The following ASTN2 variants were observed in gnomAD, a reference collection of about 807,000 sequenced individuals.
ASTN2 encodes astrotactin 2.
In ASTN2, 54 loss-of-function variants were observed where a neutral mutation model predicts 139.8. That is an observed-to-expected ratio of 0.39 (90% confidence interval 0.31 to 0.48). The LOEUF (loss-of-function observed/expected upper bound fraction) is 0.48. Ranked by LOEUF, ASTN2 falls within the 20% of genes least tolerant of loss-of-function variation. The pLI, the probability that ASTN2 is intolerant of heterozygous loss-of-function variation, is 0.95. For synonymous variants in ASTN2, 756 were observed against 719.5 expected, an observed-to-expected ratio of 1.05 and a Z score of -0.81; for missense variants, 1,565 against 1,725.1, an observed-to-expected ratio of 0.91 and a Z score of 1.64.
chr9:117,304,934 A>G (rs2130805313), intron 1 of ASTN2, among the ~76,000 whole-genome samples: 1 of 152,338 alleles, frequency 6.6e-6, no homozygotes, highest in African/African-American at 2.4e-5. Context: ...CATCAGAGAA[A>G]GATGAAAAAA....
chr9:116,838,486 C>T (rs890283606), intron 11 of ASTN2, among the ~76,000 whole-genome samples: 3 of 152,036 alleles, frequency 2.0e-5, no homozygotes, highest in South Asian at 4.1e-4. Context: ...TGCAATGGCA[C>T]GATCTCGACT....
At chr9:116,873,995 T>C (rs1833232488) in intron 10 of ASTN2, among the ~76,000 whole-genome samples, 1 of 152,200 alleles carries the variant, frequency 6.6e-6, no homozygotes, top group African/African-American at 2.4e-5. Context: ...TCTCAGGTAG[T>C]TCTTTATAGC....
intron 16 of ASTN2, among the ~76,000 whole-genome samples, chr9:116,670,349 A>G (rs190069352): frequency 6.6e-6 from 1 of 152,168 alleles, no homozygotes; most frequent in Non-Finnish European, 1.5e-5. Context: ...AAGTGTCCAC[A>G]AGGGCAGGAG....
intron 4 of ASTN2, among the ~76,000 whole-genome samples, chr9:117,121,521 G>C (rs1477270052): frequency 6.6e-6 from 1 of 152,176 alleles, no homozygotes; most frequent in African/African-American, 2.4e-5. Context: ...ATATTTCCCT[G>C]ACCCATTTTC....
chr9:116,861,997 A>G (rs1219214402), intron 11 of ASTN2, among the ~76,000 whole-genome samples: 2 of 124,856 alleles, frequency 1.6e-5, no homozygotes, highest in Non-Finnish European at 3.3e-5. Context: ...TTTTGCCTAT[A>G]CTAGTTTGAG....
chr9:117,052,234 A>T (rs1306482969), intron 5 of ASTN2, among the ~76,000 whole-genome samples: 4 of 152,080 alleles, frequency 2.6e-5, no homozygotes, highest in Non-Finnish European at 1.5e-5. Flanking sequence ...AGGTCAGGAG[A>T]TTGAGACCGT....
intron 2 of ASTN2, among the ~76,000 whole-genome samples, chr9:117,238,792 TAGTA>T (rs1192566418): frequency 6.6e-6 from 1 of 152,186 alleles, no homozygotes; most frequent in East Asian, 1.9e-4. Context: ...TTAAGTTGGC[TAGTA>T]AGTGTGTGTG....
intron 10 of ASTN2, among the ~76,000 whole-genome samples, chr9:116,864,766 G>A (rs898358277): frequency 6.6e-6 from 1 of 152,014 alleles, no homozygotes; most frequent in African/African-American, 2.4e-5. Flanking sequence ...CACTAGAGGG[G>A]GTGTCTCTGC....
At chr9:116,642,035 T>A (rs1857355465) in intron 17 of ASTN2, among the ~76,000 whole-genome samples, 1 of 144,338 alleles carries the variant, frequency 6.9e-6, no homozygotes, top group Non-Finnish European at 1.5e-5. Flanking sequence ...AATTTCAAAC[T>A]GAAAATGACA....
intron 17 of ASTN2, among the ~76,000 whole-genome samples, chr9:116,643,409 A>G (rs1857436892): frequency 6.6e-6 from 1 of 152,186 alleles, no homozygotes; most frequent in Non-Finnish European, 1.5e-5. Flanking sequence ...CTGCTGTTGC[A>G]GCAGGAAAGC....
At chr9:116,535,634 A>G (rs1406669517) in intron 19 of ASTN2, among the ~76,000 whole-genome samples, 1 of 152,170 alleles carries the variant, frequency 6.6e-6, no homozygotes, top group East Asian at 1.9e-4. Flanking sequence ...TTCGCTGGAT[A>G]TGAAATTCTG....
At chr9:117,199,317 A>C (rs1831621205) in intron 3 of ASTN2, among the ~76,000 whole-genome samples, 2 of 152,164 alleles carry the variant, frequency 1.3e-5, no homozygotes, top group Non-Finnish European at 2.9e-5. Flanking sequence ...TATAAGGTGT[A>C]AGGAAGGGGT....
intron 6 of ASTN2, among the ~76,000 whole-genome samples, chr9:117,016,410 C>T (rs1837675639): frequency 6.6e-6 from 1 of 151,488 alleles, no homozygotes; most frequent in South Asian, 2.1e-4. Context: ...CTTCCACTGA[C>T]AATCAAGAAC....
chr9:116,703,820 T>A (rs73515232), intron 16 of ASTN2, among the ~76,000 whole-genome samples: 13,115 of 151,948 alleles, frequency 0.086, 1,885 homozygotes, highest in African/African-American at 0.3. Context: ...ACCCTGCACT[T>A]GACTAGGATG....
At chr9:116,512,586 A>C (rs931528112) in intron 19 of ASTN2, among the ~76,000 whole-genome samples, 2 of 152,106 alleles carry the variant, frequency 1.3e-5, no homozygotes, top group Admixed American at 6.6e-5. Context: ...TGATCTGTCT[A>C]ATGTTGACAG....
intron 7 of ASTN2, among the ~76,000 whole-genome samples, chr9:116,979,659 T>C (rs1001350): frequency 0.97 from 147,990 of 152,124 alleles, 72,115 homozygotes; most frequent in East Asian, 1. Flanking sequence ...TATGATCTGC[T>C]ACAAGCCACA....
intron 13 of ASTN2, among the ~76,000 whole-genome samples, chr9:116,766,139 G>A (rs538806528): frequency 6.6e-6 from 1 of 152,144 alleles, no homozygotes; most frequent in African/African-American, 2.4e-5. Flanking sequence ...AAAGATCCCG[G>A]GATAGGGCAG....
rs551729966 is a variant in ASTN2 at position 116,815,919 on chromosome 9, G to A, written c.2207+4698C>T. ...CGGCAGAAAAAGGTGTATAACTCCTGAAAACAAAACAAAACAAAAAAACTA... is the reference window on the plus strand; with the variant it reads ...CGGCAGAAAAAGGTGTATAACTCCTAAAAACAAAACAAAACAAAAAAACTA... On this transcript the variant is annotated intron_variant, in intron 12 of 22. Transcript: ENST00000313400. Among the ~76,000 whole-genome samples the A allele has an allele frequency of 1.9e-4, 29 of 150,094 alleles. 2 individuals are homozygous for A. Among genetic ancestry groups the A allele is most frequent in the Middle Eastern group, 3.4e-3 (1 of 294 alleles).
At chr9:116,502,101 G>A (rs1849877900) in intron 19 of ASTN2, among the ~76,000 whole-genome samples, 1 of 152,120 alleles carries the variant, frequency 6.6e-6, no homozygotes, top group African/African-American at 2.4e-5. Context: ...TTGAGAAGGA[G>A]GTGGGACCTG....
Sources: allele counts gnomAD v4.1 joint callset (sites outside exome capture counted in the v4.1 genomes callset), GRCh38; gene constraint gnomAD v4.1.1; transcripts MANE v1.5; gene names NCBI Gene and HGNC (gene_info 2026-07-23, HGNC 2026-07-21).